EPHA7: variants seen among roughly 807,000 people sequenced by gnomAD.
EPHA7 encodes EPH receptor A7, also known as ephrin type-A receptor 7.
A neutral mutation model predicts 112.6 loss-of-function variants in EPHA7; 25 were observed. That is an observed-to-expected ratio of 0.22 (90% confidence interval 0.16 to 0.31). The LOEUF (loss-of-function observed/expected upper bound fraction) is 0.31. Among genes scored for constraint, EPHA7 ranks in the 10% least tolerant of loss-of-function variants. The pLI is 1.00. For synonymous variants in EPHA7, 437 were observed against 406.5 expected (o/e 1.07, Z -0.90); for missense variants, 962 against 1,212.6 (o/e 0.79, Z 3.07).
At chr6:93,403,651 A>G (rs1778540675) in intron 3 of EPHA7, among the ~76,000 whole-genome samples, 1 of 148,326 alleles carries the variant, frequency 6.7e-6, no homozygotes, top group Non-Finnish European at 1.5e-5. Context: ...ACATGGCAAC[A>G]CTCATCTCTT....
chr6:93,391,191 G>T (rs1248103491), intron 3 of EPHA7, among the ~76,000 whole-genome samples: 1 of 151,894 alleles, frequency 6.6e-6, no homozygotes, highest in South Asian at 2.1e-4. Context: ...TTTTCTAGCA[G>T]GTGCTACCTC....
At chr6:93,294,633 G>A (rs1280001187) in intron 5 of EPHA7, among the ~76,000 whole-genome samples, 2 of 151,950 alleles carry the variant, frequency 1.3e-5, no homozygotes, top group East Asian at 3.9e-4. Context: ...TTATTTCAAA[G>A]AATATATAAC....
chr6:93,279,758 G>A (rs1249075638), intron 5 of EPHA7, among the ~76,000 whole-genome samples: 1 of 152,102 alleles, frequency 6.6e-6, no homozygotes, highest in Non-Finnish European at 1.5e-5. Flanking sequence ...CTTTTTTGTA[G>A]CTCAGCTGAC....
At chr6:93,265,818 G>GA (rs1770907804) in intron 7 of EPHA7, among the ~76,000 whole-genome samples, 1 of 151,678 alleles carries the variant, frequency 6.6e-6, no homozygotes, top group Non-Finnish European at 1.5e-5. Flanking sequence ...GATCTCTAGA[G>GA]AAGTAATTCA....
chr6:93,263,138 T>C (rs995077865), intron 9 of EPHA7, among the ~76,000 whole-genome samples: 30 of 151,300 alleles, frequency 2.0e-4, no homozygotes, highest in African/African-American at 7.0e-4. Flanking sequence ...TCAACTATCA[T>C]AACTGAAGTA....
At chr6:93,290,285 A>G (rs968776930) in intron 5 of EPHA7, among the ~76,000 whole-genome samples, 60 of 152,130 alleles carry the variant, frequency 3.9e-4, no homozygotes, top group African/African-American at 1.4e-3. Flanking sequence ...TATGATAACT[A>G]CAGAAAAGTA....
intron 5 of EPHA7, among the ~76,000 whole-genome samples, chr6:93,284,086 G>T (rs1771929599): frequency 6.6e-6 from 1 of 152,048 alleles, no homozygotes; most frequent in Non-Finnish European, 1.5e-5. Context: ...TCTCAATAAT[G>T]GTTGAAGAGA....
intron 5 of EPHA7, among the ~76,000 whole-genome samples, chr6:93,299,049 G>A (rs1347482667): frequency 6.6e-6 from 1 of 152,058 alleles, no homozygotes; most frequent in Non-Finnish European, 1.5e-5. Flanking sequence ...AAGCTCAGCC[G>A]GGCGCGGTGG....
chr6:93,334,214 T>C (rs1201491484), intron 5 of EPHA7, among the ~76,000 whole-genome samples: 1 of 152,040 alleles, frequency 6.6e-6, no homozygotes, highest in Admixed American at 6.6e-5. Flanking sequence ...GGACTGAAGC[T>C]GGACCCCCTC....
chr6:93,309,007 G>C (rs1170158422), intron 5 of EPHA7, among the ~76,000 whole-genome samples: 1 of 151,522 alleles, frequency 6.6e-6, no homozygotes, highest in Non-Finnish European at 1.5e-5. Flanking sequence ...GGAGTGCAAT[G>C]GCATGATCTC....
At chr6:93,403,658 T>C (rs1372382567) in intron 3 of EPHA7, among the ~76,000 whole-genome samples, 1 of 142,984 alleles carries the variant, frequency 7.0e-6, no homozygotes, top group African/African-American at 2.6e-5. Flanking sequence ...AACACTCATC[T>C]CTTAAAAAAA....
At chr6:93,262,547 A>G (rs2127865529) in intron 9 of EPHA7, among the ~76,000 whole-genome samples, 1 of 151,560 alleles carries the variant, frequency 6.6e-6, no homozygotes, top group Non-Finnish European at 1.5e-5. Context: ...TGTGAAAGTA[A>G]GAGGCCTTGA....
At chr6:93,250,557 T>G (rs2127850541) in intron 14 of EPHA7, among the ~76,000 whole-genome samples, 1 of 152,220 alleles carries the variant, frequency 6.6e-6, no homozygotes, top group African/African-American at 2.4e-5. Flanking sequence ...GAATTTGACG[T>G]AGGCCACAGA....
At chr6:93,360,774 A>G (rs745969750) in intron 3 of EPHA7, among the ~76,000 whole-genome samples, 3 of 152,084 alleles carry the variant, frequency 2.0e-5, no homozygotes, top group Admixed American at 2.0e-4. Flanking sequence ...ATGGGAAAAC[A>G]GATTTAAAGC....
chr6:93,361,755 G>C (rs1481787163), intron 3 of EPHA7, among the ~76,000 whole-genome samples: 1 of 152,012 alleles, frequency 6.6e-6, no homozygotes, highest in African/African-American at 2.4e-5. Context: ...TTGTGCAACA[G>C]CAGTTTTACA....
rs16871118 is a variant in EPHA7 at position 93,294,935 on chromosome 6, A to G, written c.1325-22513T>C. ...GGCTTGTTTAATGGTCTTCTCAAAGATTAATATTGAAAAGTTTTGAATTGA... is the reference window on the plus strand; with the variant it reads ...GGCTTGTTTAATGGTCTTCTCAAAGGTTAATATTGAAAAGTTTTGAATTGA... On this transcript the variant is annotated intron_variant, in intron 5 of 16. Transcript: ENST00000369303. Among the ~76,000 whole-genome samples the G allele has an allele frequency of 6.2e-3, 936 of 152,174 alleles. 11 individuals are homozygous for G. The highest frequency in any genetic ancestry group is 0.021 in the African/African-American group (867 of 41,540).
rs1778919779 is a variant in EPHA7 at position 93,410,435 on chromosome 6, G to T, written c.832+66C>A. ...TTCACGTATTCAAATAACTATTAAA[G>T]TTTAAAATGTCTGATACTGAAATTT... On this transcript the variant is annotated intron_variant, in intron 3 of 16. Transcript: ENST00000369303. This position sits in a 1 kb window ranked among gnomAD's most constrained non-coding sequence, Gnocchi z 4.0. 4.9e-6 allele frequency: 7 copies of T among 1,419,150 alleles called. No homozygotes were observed. Among genetic ancestry groups the T allele is most frequent in the Non-Finnish European group, 6.8e-6 (7 of 1,036,728 alleles). 87.9% of individuals were successfully genotyped at this position (1,419,150 alleles called of 1,614,324 possible). A position where few individuals can be genotyped will look rare whatever the true frequency, so the allele number is the denominator to read the frequency against.
At chr6:93,367,641 ACTGGCTGCTCTCC>A (rs1776582157) in intron 3 of EPHA7, among the ~76,000 whole-genome samples, 1 of 152,114 alleles carries the variant, frequency 6.6e-6, no homozygotes, top group Non-Finnish European at 1.5e-5. Flanking sequence ...AAATTATAAG[ACTGGCTGCTCTCC>A]TAGTACGTAT....
chr6:93,343,471 A>G (rs1024550217), intron 5 of EPHA7, among the ~76,000 whole-genome samples: 6 of 151,772 alleles, frequency 4.0e-5, no homozygotes, highest in Admixed American at 2.0e-4. Flanking sequence ...ATTTAAGTGT[A>G]TAAAAATATA....
Sources: gnomAD v4.1 joint callset for allele counts (sites outside exome capture counted in the v4.1 genomes callset) on GRCh38, gnomAD v4.1.1 for gene constraint, Gnocchi (gnomAD v3.1) non-coding constraint, MANE v1.5 for transcripts, NCBI Gene and HGNC (gene_info 2026-07-23, HGNC 2026-07-21) for gene names.